The following RNF146 variants were observed in gnomAD, a reference collection of about 807,000 sequenced individuals.
RNF146 encodes the protein E3 ubiquitin-protein ligase RNF146.
Under a neutral mutation model 29.7 loss-of-function variants are expected in RNF146, and 11 were observed. That is an observed-to-expected ratio of 0.37 (90% CI 0.23 to 0.61). The LOEUF is 0.61. Ranked by LOEUF, RNF146 falls within the 20% of genes least tolerant of loss-of-function variation. RNF146 has a pLI of 0.66. For missense variants in RNF146, 342 were observed against 438.9 expected, an observed-to-expected ratio of 0.78 and a Z score of 1.97; for synonymous variants, 150 against 159.7, an observed-to-expected ratio of 0.94 and a Z score of 0.46.
chr6:127,275,506 T>C (rs912411127), intron 1 of RNF146, among the ~76,000 whole-genome samples: 5 of 152,084 alleles, frequency 3.3e-5, no homozygotes, highest in African/African-American at 1.2e-4. Flanking sequence ...AAATATCAGT[T>C]CAACAAAAAT....
In RNF146 at chr6:127,286,096, T is replaced by G; in HGVS notation, c.3-520T>G. On this transcript the variant is annotated intron_variant, in intron 2 of 2. Transcript: ENST00000368314. The surrounding 1 kb of genome is among the most constrained non-coding windows in gnomAD (Gnocchi z 4.6). ...ATTTTCTCCTTTGGTCTTATATGATTGTTACCTTTATGAAGCTTTAGTGAT... is the reference window on the plus strand; with the variant it reads ...ATTTTCTCCTTTGGTCTTATATGATGGTTACCTTTATGAAGCTTTAGTGAT... 2.4e-6 allele frequency: 3 copies of G among 1,229,922 alleles called. No homozygotes were observed. Among genetic ancestry groups the G allele is most frequent in the Non-Finnish European group, 3.0e-6 (3 of 986,680 alleles). 76.2% of individuals were successfully genotyped at this position (1,229,922 alleles called of 1,614,324 possible).
chr6:127,266,872 G>C lies in RNF146; in HGVS notation c.-162G>C, dbSNP rs933635997. 2 of 151,936 alleles carry C rather than the reference G, an allele frequency of 1.3e-5. No homozygotes were observed. The highest frequency in any genetic ancestry group is 2.9e-5 in the Non-Finnish European group (2 of 67,944). 9.4% of individuals were successfully genotyped at this position (151,936 alleles called of 1,614,324 possible). ...CCGCGCGCGTTCCCGGCAGCTGCGGGCTCCGAGGCCAGAGAGAAAAGACTG... is the reference window on the plus strand; with the variant it reads ...CCGCGCGCGTTCCCGGCAGCTGCGGCCTCCGAGGCCAGAGAGAAAAGACTG... On this transcript the variant is annotated 5_prime_UTR_variant, in exon 1 of 3. Coordinates refer to ENST00000368314, the MANE Select transcript of RNF146 (RefSeq NM_001242850.2).
chr6:127,278,545 G>T (rs1173475031), intron 1 of RNF146, among the ~76,000 whole-genome samples: 6 of 151,918 alleles, frequency 3.9e-5, no homozygotes, highest in Non-Finnish European at 8.8e-5. Context: ...ATGTACTGTT[G>T]TATTTATAGA....
At chr6:127,280,102 G>A in intron 1 of RNF146, 129 bp from the exon 2 acceptor site, 1 of 511,068 alleles carries the variant, frequency 2.0e-6, no homozygotes, top group Non-Finnish European at 3.5e-6. Context: ...GAATAGCAGT[G>A]GTAAAAGCAT....
At chr6:127,284,758 A>AC (rs1299447476) in intron 2 of RNF146, among the ~76,000 whole-genome samples, 1 of 151,984 alleles carries the variant, frequency 6.6e-6, no homozygotes, top group African/African-American at 2.4e-5. Flanking sequence ...ACATACTAAG[A>AC]CGTCCTATTA....
intron 1 of RNF146, among the ~76,000 whole-genome samples, chr6:127,272,642 T>G (rs943435541): frequency 1.3e-5 from 2 of 152,164 alleles, no homozygotes; most frequent in Non-Finnish European, 2.9e-5. Context: ...AGAACCTGGT[T>G]GTGTTGTTCT....
chr6:127,267,650 C>A (rs1776850800), intron 1 of RNF146, among the ~76,000 whole-genome samples: 1 of 152,138 alleles, frequency 6.6e-6, no homozygotes. Context: ...AGAGAGCAAT[C>A]CCTGCACCTT....
At chr6:127,270,166 A>C (rs1394776072) in intron 1 of RNF146, among the ~76,000 whole-genome samples, 1 of 152,102 alleles carries the variant, frequency 6.6e-6, no homozygotes, top group South Asian at 2.1e-4. Context: ...GTACAATATT[A>C]CTTCATTTTT....
chr6:127,280,597 A>G (rs1026502149), intron 2 of RNF146: 23 of 1,161,366 alleles, frequency 2.0e-5, no homozygotes, highest in Middle Eastern at 3.5e-4. Context: ...GCTGAAATAG[A>G]TCTCCAGGTC....
chr6:127,283,209 T>C (rs1779124871), intron 2 of RNF146, among the ~76,000 whole-genome samples: 1 of 151,794 alleles, frequency 6.6e-6, no homozygotes, highest in Non-Finnish European at 1.5e-5. Flanking sequence ...TACTTAAAAG[T>C]TGGAATATCA....
chr6:127,285,470 T>A, intron 2 of RNF146: 1 of 350,422 alleles, frequency 2.9e-6, no homozygotes, highest in Non-Finnish European at 4.0e-6. Flanking sequence ...CATCTTTATT[T>A]CTCAGTCTTT....
At chr6:127,278,932 G>T (rs1362623928) in intron 1 of RNF146, among the ~76,000 whole-genome samples, 1 of 151,838 alleles carries the variant, frequency 6.6e-6, no homozygotes, top group Non-Finnish European at 1.5e-5. Flanking sequence ...GGCCATTTGT[G>T]TATCTTCTTT....
intron 2 of RNF146, among the ~76,000 whole-genome samples, chr6:127,285,577 G>T (rs1233881524): frequency 1.6e-5 from 2 of 125,862 alleles, no homozygotes; most frequent in African/African-American, 3.0e-5. Flanking sequence ...ATGTTTCCTT[G>T]GCAGGGCACA....
intron 1 of RNF146, among the ~76,000 whole-genome samples, chr6:127,268,771 T>G (rs975543023): frequency 6.6e-6 from 1 of 152,196 alleles, no homozygotes; most frequent in Non-Finnish European, 1.5e-5. Context: ...AAGAAATAAC[T>G]TCTTTTAAAA....
Position 127,280,234 on chromosome 6 carries a change from A to G in RNF146, c.-105A>G, listed in dbSNP as rs1778753715. ...TTACTCTTTTTTTCTTTTGCAGCAC[A>G]AAGAATGAACCAGCAGTGGAAGAGA... On this transcript the variant is annotated 5_prime_UTR_variant, in exon 2 of 3. Coordinates refer to ENST00000368314, the MANE Select transcript of RNF146 (RefSeq NM_001242850.2). 1.8e-6 allele frequency: 2 copies of G among 1,104,820 alleles called. No homozygotes were observed. The highest frequency in any genetic ancestry group is 4.3e-5 in the Admixed American group (2 of 46,566). The allele number at this position is 1,104,820 out of a possible 1,614,324, so 68.4% of individuals were successfully genotyped here.
In RNF146 at chr6:127,286,739, A is replaced by G; in HGVS notation, c.126A>G (p.Gln42=). 1 of 1,613,400 alleles carries G rather than the reference A, an allele frequency of 6.2e-7. No homozygotes were observed. The highest frequency in any genetic ancestry group is 8.5e-7 in the Non-Finnish European group (1 of 1,179,584). The change falls in exon 3 of 3, where the codon CAA becomes CAG. Residue 42 remains glutamine, a synonymous_variant. Transcript: ENST00000368314. This position sits in a 1 kb window ranked among gnomAD's most constrained non-coding sequence, Gnocchi z 4.6. ...TCCCTGAATGTGCCATTTGTCTGCA[A>G]ACATGTGTTCATCCAGTCAGTCTGC... ...LTVPECAICL[Q]TCVHPVSLPC...
Position 127,286,820 on chromosome 6 carries a change from G to A in RNF146, c.207G>A (p.Lys69=). The change falls in exon 3 of 3, where the codon AAG becomes AAA. Residue 69 remains lysine, a synonymous_variant. Coordinates refer to ENST00000368314, the MANE Select transcript of RNF146 (RefSeq NM_001242850.2). This position sits in a 1 kb window ranked among gnomAD's most constrained non-coding sequence, Gnocchi z 4.6. ...LCVKGASWLG[K]RCALCRQEIP... is the part of the protein sequence containing the mutation. ...TAAAAGGAGCTTCATGGCTTGGAAA[G>A]CGGTGTGCTCTTTGTCGACAAGAAA... 1.2e-6 allele frequency: 2 copies of A among 1,613,250 alleles called. No homozygotes were observed. Among genetic ancestry groups the A allele is most frequent in the East Asian group, 2.2e-5 (1 of 44,826 alleles).
At chr6:127,285,171 T>C in intron 2 of RNF146, 1 of 983,670 alleles carries the variant, frequency 1.0e-6, no homozygotes, top group Non-Finnish European at 1.2e-6. Flanking sequence ...ATATGTGCCA[T>C]CTTTTTAAAA....
At chr6:127,272,601 G>C (rs1203095113) in intron 1 of RNF146, among the ~76,000 whole-genome samples, 1 of 152,092 alleles carries the variant, frequency 6.6e-6, no homozygotes, top group Non-Finnish European at 1.5e-5. Flanking sequence ...ACTTTTATTG[G>C]TTGCATAAGA....
Sources: allele counts gnomAD v4.1 joint callset (sites outside exome capture counted in the v4.1 genomes callset), GRCh38; gene constraint gnomAD v4.1.1; non-coding constraint Gnocchi (gnomAD v3.1); transcripts MANE v1.5; gene names NCBI Gene and HGNC (gene_info 2026-07-23, HGNC 2026-07-21).